Variants in PIK3CG observed in about 807,000 individuals in gnomAD.
PIK3CG encodes phosphatidylinositol-4,5-bisphosphate 3-kinase catalytic subunit gamma, also known as phosphatidylinositol 4,5-bisphosphate 3-kinase catalytic subunit gamma isoform.
PIK3CG carries 55 observed loss-of-function variants against 102.3 expected under a neutral mutation model. That is an observed-to-expected ratio of 0.54 (90% CI 0.43 to 0.67). PIK3CG has a LOEUF of 0.67. Ranked by LOEUF, PIK3CG falls within the 30% of genes least tolerant of loss-of-function variation. The probability of loss-of-function intolerance (pLI) is 0.00; values close to 1 mark genes in which losing one functional copy is unlikely to be tolerated. For synonymous variants in PIK3CG, 552 were observed against 540.0 expected (o/e 1.02, Z -0.31); for missense variants, 1,258 against 1,391.8 (o/e 0.90, Z 1.53).
Position 106,880,195 on chromosome 7 carries a change from A to T in PIK3CG, c.2538+530A>T, listed in dbSNP as rs1156834496. ...GGTGAATGGTCAATATATCAGTGCTAATTATTTTCATATTTTCTAACATTT... is the reference window on the plus strand; with the variant it reads ...GGTGAATGGTCAATATATCAGTGCTTATTATTTTCATATTTTCTAACATTT... On this transcript the variant is annotated intron_variant, in intron 6 of 10. Coordinates refer to ENST00000496166, the MANE Select transcript of PIK3CG (RefSeq NM_001282426.2). This position sits in a 1 kb window ranked among gnomAD's most constrained non-coding sequence, Gnocchi z 4.2. Among the ~76,000 whole-genome samples the T allele has an allele frequency of 5.3e-5, 8 of 152,230 alleles. No individual in the cohort carries two copies. Among genetic ancestry groups the T allele is most frequent in the Non-Finnish European group, 1.0e-4 (7 of 68,032 alleles).
In PIK3CG at chr7:106,894,483, C is replaced by T. The variant is rs957071253; in HGVS notation, c.3030+8191C>T. Among the ~76,000 whole-genome samples, 2 of 152,156 alleles carry T rather than the reference C, an allele frequency of 1.3e-5. No homozygotes were observed. Among genetic ancestry groups the T allele is most frequent in the Non-Finnish European group, 2.9e-5 (2 of 68,022 alleles). ...ATCAAATGCATGGCCAAGTACCAGA[C>T]ACACTCCTCTTTTGGATTTACCAGA... On this transcript the variant is annotated intron_variant, in intron 10 of 10. Coordinates refer to ENST00000496166, the MANE Select transcript of PIK3CG (RefSeq NM_001282426.2). The surrounding 1 kb of genome is among the most constrained non-coding windows in gnomAD (Gnocchi z 4.4).
rs1470840374 is a variant in PIK3CG, at chr7:106,895,818, T to C, written c.3031-9291T>C. On this transcript the variant is annotated intron_variant, in intron 10 of 10. Coordinates refer to ENST00000496166, the MANE Select transcript of PIK3CG (RefSeq NM_001282426.2). This position sits in a 1 kb window ranked among gnomAD's most constrained non-coding sequence, Gnocchi z 5.4. The stretch of plus-strand genomic sequence containing the variant: ...TCATTCTTATTATTCTTAATCTATA[T>C]TTAAAAGAGGTTAAGTGACTTCTCC... Among the ~76,000 whole-genome samples, 2 of 152,210 alleles carry C rather than the reference T, an allele frequency of 1.3e-5. No individual in the cohort carries two copies. Among genetic ancestry groups the C allele is most frequent in the Admixed American group, 1.3e-4 (2 of 15,278 alleles).
rs1791019244 is a variant in PIK3CG, at chr7:106,884,169, G to A, written c.2775G>A (p.Val925=). 2 of 1,612,684 alleles carry A rather than the reference G, an allele frequency of 1.2e-6. No individual in the cohort carries two copies. Among genetic ancestry groups the A allele is most frequent in the Non-Finnish European group, 1.7e-6 (2 of 1,178,972 alleles). ...SPTEEKFQAA[V]ERFVYSCAGY... The stretch of plus-strand genomic sequence containing the variant: ...ATTTTAATTAGTTTCAGGCAGCAGT[G>A]GAGAGATTTGTTTATTCCTGTGCAG... The change falls in exon 9 of 11, where the codon GTG becomes GTA. Residue 925 remains valine (V), a synonymous_variant. Coordinates refer to ENST00000496166, the MANE Select transcript of PIK3CG (RefSeq NM_001282426.2). The surrounding 1 kb of genome is among the most constrained non-coding windows in gnomAD (Gnocchi z 4.2).
Position 106,874,634 on chromosome 7 carries a change from A to T in PIK3CG, c.2288-66A>T. The T allele has an allele frequency of 9.7e-7, 1 of 1,031,326 alleles. No homozygotes were observed. Among genetic ancestry groups the T allele is most frequent in the Admixed American group, 1.8e-5 (1 of 55,314 alleles). 63.9% of individuals were successfully genotyped at this position (1,031,326 alleles called of 1,614,324 possible). A position where few individuals can be genotyped will look rare whatever the true frequency, so the allele number is the denominator to read the frequency against. On this transcript the variant is annotated intron_variant, in intron 4 of 10. Coordinates refer to ENST00000496166, the MANE Select transcript of PIK3CG (RefSeq NM_001282426.2). The surrounding 1 kb of genome is among the most constrained non-coding windows in gnomAD (Gnocchi z 4.3). ...CTATGAATAAATGTGTTCTCAGGAA[A>T]TGTAATAGATAATATTGATGATTTC...
At chr7:106,904,988 C>G (rs554901850) in intron 10 of PIK3CG, 121 bp from the exon 11 acceptor site, 1 of 838,842 alleles carries the variant, frequency 1.2e-6, no homozygotes, top group East Asian at 2.5e-5. Context: ...AGGCAGGGAC[C>G]TTGATGGTTT....
At position 106,884,401 on chromosome 7, in the gene PIK3CG, T is replaced by C. The variant is rs1791025838; in HGVS notation, c.2872+135T>C. The stretch of plus-strand genomic sequence containing the variant: ...ATATGTTCACCTTGTTGTACAACCA[T>C]CATCACCATTCATCCCCAGAATTTT... On this transcript the variant is annotated intron_variant, in intron 9 of 10. Coordinates refer to ENST00000496166, the MANE Select transcript of PIK3CG (RefSeq NM_001282426.2). The surrounding 1 kb of genome is among the most constrained non-coding windows in gnomAD (Gnocchi z 4.2). The C allele has an allele frequency of 1.6e-6, 1 of 629,294 alleles. No individual in the cohort carries two copies. The highest frequency in any genetic ancestry group is 2.8e-5 in the Admixed American group (1 of 36,174). The allele number at this position is 629,294 out of a possible 1,614,324, so 39.0% of individuals were successfully genotyped here.
rs1791241605 is a variant in PIK3CG, at chr7:106,890,587, T to A, written c.3030+4295T>A. Reference sequence around the variant, plus strand: ...CAAAAGACATAAAAATTCATTATCCTGCTTTCCAAAGATAATACTGTCAAC... The same window carrying A: ...CAAAAGACATAAAAATTCATTATCCAGCTTTCCAAAGATAATACTGTCAAC... On this transcript the variant is annotated intron_variant, in intron 10 of 10. Coordinates refer to ENST00000496166, the MANE Select transcript of PIK3CG (RefSeq NM_001282426.2). This position sits in a 1 kb window ranked among gnomAD's most constrained non-coding sequence, Gnocchi z 4.2. Among the ~76,000 whole-genome samples the A allele has an allele frequency of 6.6e-6, 1 of 152,274 alleles. No homozygotes were observed. Among genetic ancestry groups the A allele is most frequent in the African/African-American group, 2.4e-5 (1 of 41,480 alleles).
rs186195544 is a variant in PIK3CG, at chr7:106,866,555, T to C, written c.-12-995T>C. Among the ~76,000 whole-genome samples the C allele has an allele frequency of 6.8e-4, 104 of 152,146 alleles. 1 individual carries two copies. The East Asian group carries it at 0.019, about 27-fold the overall frequency. ...GGGTCTTAACAGAAGGTCACTGGAG[T>C]CCAGAAATCCTGCCTTCCATCCTGT... On this transcript the variant is annotated intron_variant, in intron 1 of 10. Transcript: ENST00000496166.
Position 106,879,597 on chromosome 7 carries a change from T to C in PIK3CG, c.2470T>C (p.Ser824Pro), listed in dbSNP as rs1790873418. ...EFKCADPTAL[S>P]NETIGIIFKH... Reference sequence around the variant, plus strand: ...TAAATGTGCCGATCCTACAGCCCTATCAAATGAAACAATTGGAATTATCTT... The same window carrying C: ...TAAATGTGCCGATCCTACAGCCCTACCAAATGAAACAATTGGAATTATCTT... The change falls in exon 6 of 11, where the codon TCA (serine) becomes CCA (proline). Residue 824 changes from serine (S) to proline (P), a missense_variant. This residue lies in a region of PIK3CG where 426 missense variants were observed against 604.2 expected (regional missense o/e 0.71). Transcript: ENST00000496166. This position sits in a 1 kb window ranked among gnomAD's most constrained non-coding sequence, Gnocchi z 4.9. 5.6e-6 allele frequency: 9 copies of C among 1,612,722 alleles called. No individual in the cohort carries two copies. The highest frequency in any genetic ancestry group is 5.9e-6 in the Non-Finnish European group (7 of 1,178,842).
In PIK3CG at chr7:106,895,366, G is replaced by A. The variant is rs376018659; in HGVS notation, c.3030+9074G>A. 8.9e-4 allele frequency among the ~76,000 whole-genome samples: 136 copies of A among 152,314 alleles called. No homozygotes were observed. The highest frequency in any genetic ancestry group is 3.2e-3 in the African/African-American group (132 of 41,584). On this transcript the variant is annotated intron_variant, in intron 10 of 10. Coordinates refer to ENST00000496166, the MANE Select transcript of PIK3CG (RefSeq NM_001282426.2). The surrounding 1 kb of genome is among the most constrained non-coding windows in gnomAD (Gnocchi z 5.4). ...ATCCTCATAGTCCCTGAAACCACAG[G>A]CCTCTAGGCCAAGGTAGTGTCAGAA... is the stretch of plus-strand genomic sequence containing the variant.
In PIK3CG at chr7:106,867,951, G is replaced by C. The variant is rs145945868; in HGVS notation, c.390G>C (p.Arg130=). ...TGCGCTACTGGAAGGCCACGCACCG[G>C]AGCCCGGGCCAGATCCACCTGGTGC... ...DCLRYWKATH[R]SPGQIHLVQR... The change falls in exon 2 of 11, where the codon CGG becomes CGC. Residue 130 remains arginine (R), a synonymous_variant. Transcript: ENST00000496166. The surrounding 1 kb of genome is among the most constrained non-coding windows in gnomAD (Gnocchi z 5.1). 2,268 of 1,613,072 alleles carry C rather than the reference G, an allele frequency of 1.4e-3. 2 individuals carry two copies. The highest frequency in any genetic ancestry group is 1.8e-3 in the Non-Finnish European group (2,166 of 1,179,840).
Position 106,880,371 on chromosome 7 carries a change from G to A in PIK3CG, c.2538+706G>A, listed in dbSNP as rs577455195. Among the ~76,000 whole-genome samples, 5 of 152,234 alleles carry A rather than the reference G, an allele frequency of 3.3e-5. No individual in the cohort carries two copies. The East Asian group carries it at 7.7e-4, about 23-fold the overall frequency. On this transcript the variant is annotated intron_variant, in intron 6 of 10. Transcript: ENST00000496166. The surrounding 1 kb of genome is among the most constrained non-coding windows in gnomAD (Gnocchi z 4.2). ...TTTCAAGGTAGCCTATTTAAAACTG[G>A]TCATGTTTCCAATTGTAAGTTTCTG...
rs1384717564 is a variant in PIK3CG, at chr7:106,908,456, C to T, written c.*3069C>T. Among the ~76,000 whole-genome samples the T allele has an allele frequency of 6.6e-6, 1 of 152,108 alleles. No individual in the cohort carries two copies. Among genetic ancestry groups the T allele is most frequent in the Non-Finnish European group, 1.5e-5 (1 of 68,024 alleles). On this transcript the variant is annotated 3_prime_UTR_variant, in exon 11 of 11. Transcript: ENST00000496166. The surrounding 1 kb of genome is among the most constrained non-coding windows in gnomAD (Gnocchi z 4.1). ...GTACATTAGGACCTAGAACAGTGGCCCATTGCTCTTAGACTGGAACCATGT... is the reference window on the plus strand; with the variant it reads ...GTACATTAGGACCTAGAACAGTGGCTCATTGCTCTTAGACTGGAACCATGT...
At position 106,872,480 on chromosome 7, in the gene PIK3CG, C is replaced by G. The variant is rs2116480728; in HGVS notation, c.1996-57C>G. ...CACCAGTTCTTCTCCATTTCCTTTT[C>G]CCTGATTCAACGACATAGAGTACAG... is the stretch of plus-strand genomic sequence containing the variant. On this transcript the variant is annotated intron_variant, in intron 2 of 10. Coordinates refer to ENST00000496166, the MANE Select transcript of PIK3CG (RefSeq NM_001282426.2). The surrounding 1 kb of genome is among the most constrained non-coding windows in gnomAD (Gnocchi z 5.3). 7.4e-7 allele frequency: 1 copy of G among 1,353,094 alleles called. No homozygotes were observed. The highest frequency in any genetic ancestry group is 1.1e-6 in the Non-Finnish European group (1 of 947,078). 83.8% of individuals were successfully genotyped at this position (1,353,094 alleles called of 1,614,324 possible).
rs1791293252 is a variant in PIK3CG, at chr7:106,892,615, G to T, written c.3030+6323G>T. ...CTGTAGTGTATCAGACACTGCATTG[G>T]GCATAGGTGAGACAATAGAGCATGG... On this transcript the variant is annotated intron_variant, in intron 10 of 10. Coordinates refer to ENST00000496166, the MANE Select transcript of PIK3CG (RefSeq NM_001282426.2). This position sits in a 1 kb window ranked among gnomAD's most constrained non-coding sequence, Gnocchi z 5.2. 6.6e-6 allele frequency among the ~76,000 whole-genome samples: 1 copy of T among 152,170 alleles called. No individual in the cohort carries two copies. Among genetic ancestry groups the T allele is most frequent in the Non-Finnish European group, 1.5e-5 (1 of 68,024 alleles).
At position 106,894,047 on chromosome 7, in the gene PIK3CG, T is replaced by C. The variant is rs1791336935; in HGVS notation, c.3030+7755T>C. 6.6e-6 allele frequency among the ~76,000 whole-genome samples: 1 copy of C among 152,222 alleles called. No individual in the cohort carries two copies. Among genetic ancestry groups the C allele is most frequent in the African/African-American group, 2.4e-5 (1 of 41,450 alleles). ...CAACTATGATAGATGCAGTCCATGGTTGACCAAAACATTGTTATGCAGTAC... is the reference window on the plus strand; with the variant it reads ...CAACTATGATAGATGCAGTCCATGGCTGACCAAAACATTGTTATGCAGTAC... On this transcript the variant is annotated intron_variant, in intron 10 of 10. Coordinates refer to ENST00000496166, the MANE Select transcript of PIK3CG (RefSeq NM_001282426.2). This position sits in a 1 kb window ranked among gnomAD's most constrained non-coding sequence, Gnocchi z 4.4.
Position 106,903,696 on chromosome 7 carries a change from A to G in PIK3CG, c.3031-1413A>G, listed in dbSNP as rs1213008128. On this transcript the variant is annotated intron_variant, in intron 10 of 10. Coordinates refer to ENST00000496166, the MANE Select transcript of PIK3CG (RefSeq NM_001282426.2). The surrounding 1 kb of genome is among the most constrained non-coding windows in gnomAD (Gnocchi z 4.3). The stretch of plus-strand genomic sequence containing the variant: ...AGTAATATTTGATTTTTTAAAGACA[A>G]TTAGGTCATTTGTAAATAATAAGTT... Among the ~76,000 whole-genome samples, 3 of 151,840 alleles carry G rather than the reference A, an allele frequency of 2.0e-5. No individual in the cohort carries two copies. The highest frequency in any genetic ancestry group is 4.4e-5 in the Non-Finnish European group (3 of 67,958).
rs375569123 is a variant in PIK3CG, at chr7:106,872,682, A to G, written c.2062-31A>G. ...TGGTAGACCTAAAGCATTAGTCATA[A>G]TAATTTCAACTTTCTTGTACCTGCC... On this transcript the variant is annotated intron_variant, in intron 3 of 10. Transcript: ENST00000496166. This position sits in a 1 kb window ranked among gnomAD's most constrained non-coding sequence, Gnocchi z 5.3. The G allele has an allele frequency of 1.5e-4, 243 of 1,603,178 alleles. No homozygotes were observed. The highest frequency in any genetic ancestry group is 1.9e-4 in the Non-Finnish European group (228 of 1,170,098).
In PIK3CG at chr7:106,879,696, T is replaced by A. The variant is rs191242655; in HGVS notation, c.2538+31T>A. On this transcript the variant is annotated intron_variant, in intron 6 of 10. Coordinates refer to ENST00000496166, the MANE Select transcript of PIK3CG (RefSeq NM_001282426.2). The surrounding 1 kb of genome is among the most constrained non-coding windows in gnomAD (Gnocchi z 4.9). The stretch of plus-strand genomic sequence containing the variant: ...CTAATTTTAAGATTGTTTTCAATTA[T>A]CTGAAAACAATTCTATATTACATCA... The A allele has an allele frequency of 3.0e-5, 46 of 1,548,168 alleles. No individual in the cohort carries two copies. The highest frequency in any genetic ancestry group is 2.1e-4 in the Admixed American group (12 of 58,206).
Sources: allele counts gnomAD v4.1 joint callset (sites outside exome capture counted in the v4.1 genomes callset), GRCh38; gene constraint gnomAD v4.1.1; regional missense constraint gnomAD v4.1.1; non-coding constraint Gnocchi (gnomAD v3.1); transcripts MANE v1.5; gene names NCBI Gene and HGNC (gene_info 2026-07-23, HGNC 2026-07-21).